Variants in HS6ST3 observed in about 807,000 individuals in gnomAD.
The protein encoded by HS6ST3 is heparan-sulfate 6-O-sulfotransferase 3.
A neutral mutation model predicts 36.7 loss-of-function variants in HS6ST3; 12 were observed. The ratio of observed to expected loss-of-function variants is 0.33; its 90% CI spans 0.21 to 0.53. The LOEUF (loss-of-function observed/expected upper bound fraction) is 0.53. Ranked by LOEUF, HS6ST3 falls within the 20% of genes least tolerant of loss-of-function variation. HS6ST3 has a pLI of 0.95. For synonymous variants in HS6ST3, 240 were observed against 257.5 expected (o/e 0.93, Z 0.65); for missense variants, 584 against 640.9 (o/e 0.91, Z 0.96).
At chr13:96,416,465 C>T (rs1390951286) in intron 1 of HS6ST3, among the ~76,000 whole-genome samples, 1 of 152,092 alleles carries the variant, frequency 6.6e-6, no homozygotes, top group Non-Finnish European at 1.5e-5. Flanking sequence ...ACAAAAACAA[C>T]CTATGGATAC....
intron 1 of HS6ST3, among the ~76,000 whole-genome samples, chr13:96,689,062 G>C (rs1438719286): frequency 2.0e-5 from 3 of 152,048 alleles, no homozygotes; most frequent in Non-Finnish European, 4.4e-5. Context: ...GTCTGATTGT[G>C]TTCTGCTGTT....
intron 1 of HS6ST3, among the ~76,000 whole-genome samples, chr13:96,381,410 G>GTATC (rs78957056): frequency 0.018 from 2,554 of 138,640 alleles, 74 homozygotes; most frequent in Admixed American, 0.05. Context: ...ATGTATCTAT[G>GTATC]TATCTATCTA....
At chr13:96,701,378 A>T (rs1875280268) in intron 1 of HS6ST3, among the ~76,000 whole-genome samples, 1 of 152,218 alleles carries the variant, frequency 6.6e-6, no homozygotes, top group Admixed American at 6.5e-5. Context: ...CATTATGTAT[A>T]GACAAATCCT....
chr13:96,171,601 G>C (rs1355281731), intron 1 of HS6ST3, among the ~76,000 whole-genome samples: 1 of 152,170 alleles, frequency 6.6e-6, no homozygotes, highest in African/African-American at 2.4e-5. Context: ...ATGCAGTATT[G>C]TGGTTTTTCT....
intron 1 of HS6ST3, among the ~76,000 whole-genome samples, chr13:96,359,611 T>A (rs1318649319): frequency 6.6e-6 from 1 of 152,142 alleles, no homozygotes; most frequent in Non-Finnish European, 1.5e-5. Context: ...TTTGTATTAC[T>A]GAAATTGATA....
chr13:96,831,969 A>AC (rs1878801041), intron 1 of HS6ST3, among the ~76,000 whole-genome samples: 2 of 147,794 alleles, frequency 1.4e-5, no homozygotes, highest in Admixed American at 6.8e-5. Flanking sequence ...AAAAAAAAAA[A>AC]AAAAAAAAAA....
intron 1 of HS6ST3, among the ~76,000 whole-genome samples, chr13:96,698,407 G>T (rs972403068): frequency 1.3e-5 from 2 of 152,038 alleles, no homozygotes; most frequent in Non-Finnish European, 2.9e-5. Flanking sequence ...AGTATTCCAT[G>T]GTGTGTATGT....
intron 1 of HS6ST3, among the ~76,000 whole-genome samples, chr13:96,568,374 C>T (rs756118187): frequency 1.3e-5 from 2 of 152,198 alleles, no homozygotes; most frequent in Non-Finnish European, 2.9e-5. Flanking sequence ...TCAAGCGATT[C>T]TCCTTCCTCA....
chr13:96,651,627 C>T (rs2056608040), intron 1 of HS6ST3, among the ~76,000 whole-genome samples: 2 of 152,072 alleles, frequency 1.3e-5, no homozygotes, highest in Non-Finnish European at 1.5e-5. Flanking sequence ...AAAAACTTCT[C>T]CTTCAAGTAA....
At position 96,570,930 on chromosome 13, in the gene HS6ST3, A is replaced by G. The variant is rs139817717; in HGVS notation, c.708-261560A>G. ...TGTAACATATAAGCTGGATCTTTAA[A>G]TATGAGCAGAATTCTGTGTGTGGAT... On this transcript the variant is annotated intron_variant, in intron 1 of 1. Transcript: ENST00000376705. Among the ~76,000 whole-genome samples, 8 of 152,322 alleles carry G rather than the reference A, an allele frequency of 5.3e-5. No individual in the cohort carries two copies. The East Asian group carries it at 1.4e-3, about 26-fold the overall frequency.
chr13:96,251,527 G>A (rs2054607965), intron 1 of HS6ST3, among the ~76,000 whole-genome samples: 2 of 151,774 alleles, frequency 1.3e-5, no homozygotes. Context: ...CTTTTAAAAA[G>A]ACAACTAGTT....
chr13:96,158,263 G>A (rs764589534), intron 1 of HS6ST3, among the ~76,000 whole-genome samples: 1 of 152,062 alleles, frequency 6.6e-6, no homozygotes, highest in African/African-American at 2.4e-5. Context: ...AGGGAGATGC[G>A]GGAAGGAGGT....
intron 1 of HS6ST3, among the ~76,000 whole-genome samples, chr13:96,328,069 G>A (rs1218353819): frequency 6.8e-6 from 1 of 146,976 alleles, no homozygotes; most frequent in African/African-American, 2.5e-5. Context: ...ATCAGCTTAA[G>A]GAGATTTTGG....
chr13:96,668,472 G>T (rs1015605977), intron 1 of HS6ST3, among the ~76,000 whole-genome samples: 1 of 152,000 alleles, frequency 6.6e-6, no homozygotes, highest in Non-Finnish European at 1.5e-5. Context: ...AGACCTGCTG[G>T]CTCACCTGCC....
intron 1 of HS6ST3, among the ~76,000 whole-genome samples, chr13:96,370,859 T>C (rs1463421163): frequency 6.6e-6 from 1 of 152,110 alleles, no homozygotes; most frequent in Non-Finnish European, 1.5e-5. Context: ...GATCGTGCCA[T>C]TGCACTCCAG....
At chr13:96,213,920 G>A (rs555915612) in intron 1 of HS6ST3, among the ~76,000 whole-genome samples, 31 of 152,128 alleles carry the variant, frequency 2.0e-4, no homozygotes, top group Middle Eastern at 3.4e-3. Flanking sequence ...TGTTTTTATT[G>A]TGAAATATTT....
rs187585431 is a variant in HS6ST3 at position 96,334,466 on chromosome 13, A to T, written c.707+242897A>T. ...GCCAATTAAACCTCTTTTCTTTATG[A>T]ATTACTGCATTCGTCAGTTCTCACA... On this transcript the variant is annotated intron_variant, in intron 1 of 1. Transcript: ENST00000376705. 3.0e-3 allele frequency among the ~76,000 whole-genome samples: 460 copies of T among 152,328 alleles called. 6 individuals carry two copies. The highest frequency in any genetic ancestry group is 6.8e-3 in the Middle Eastern group (2 of 294).
At chr13:96,457,715 T>C (rs926675181) in intron 1 of HS6ST3, among the ~76,000 whole-genome samples, 9 of 152,114 alleles carry the variant, frequency 5.9e-5, no homozygotes, top group African/African-American at 2.2e-4. Context: ...AATAGGAACA[T>C]ATTTCTGTAT....
At chr13:96,370,660 C>T (rs927075559) in intron 1 of HS6ST3, among the ~76,000 whole-genome samples, 6 of 152,108 alleles carry the variant, frequency 3.9e-5, no homozygotes, top group Admixed American at 2.0e-4. Context: ...GCCTGTAATC[C>T]CAGCAATTTG....
Sources: allele counts gnomAD v4.1 joint callset (sites outside exome capture counted in the v4.1 genomes callset), GRCh38; gene constraint gnomAD v4.1.1; transcripts MANE v1.5; gene names NCBI Gene and HGNC (gene_info 2026-07-23, HGNC 2026-07-21).